The following DIS3L2 variants were observed in gnomAD, a reference collection of about 807,000 sequenced individuals.
DIS3L2 encodes DIS3-like exonuclease 2.
Under a neutral mutation model 97.5 loss-of-function variants are expected in DIS3L2, and 34 were observed. That is an observed-to-expected ratio of 0.35 (90% CI 0.27 to 0.46). DIS3L2 has a LOEUF of 0.46. DIS3L2 is among the 20% of genes least tolerant of loss of function. The pLI, the probability that DIS3L2 is intolerant of heterozygous loss-of-function variation, is 1.00. For missense variants in DIS3L2, 1,038 were observed against 1,146.0 expected (o/e 0.91, Z 1.36); for synonymous variants, 435 against 445.2 (o/e 0.98, Z 0.29).
intron 14 of DIS3L2, among the ~76,000 whole-genome samples, chr2:232,303,711 T>A (rs981575159): frequency 3.3e-5 from 5 of 152,214 alleles, no homozygotes; most frequent in African/African-American, 9.6e-5. Flanking sequence ...TCTGGATTCT[T>A]TTATCAGCCC....
chr2:232,291,652 C>CT (rs1489164804), intron 13 of DIS3L2, among the ~76,000 whole-genome samples: 4 of 152,258 alleles, frequency 2.6e-5, no homozygotes, highest in African/African-American at 9.6e-5. Flanking sequence ...ATAACTCACA[C>CT]TGTGCTCTTA....
At chr2:232,259,526 A>G (rs1693662224) in intron 12 of DIS3L2, among the ~76,000 whole-genome samples, 1 of 152,180 alleles carries the variant, frequency 6.6e-6, no homozygotes, top group African/African-American at 2.4e-5. Flanking sequence ...TGCAGGGTAC[A>G]GGGGTGTCTG....
intron 14 of DIS3L2, among the ~76,000 whole-genome samples, chr2:232,310,890 A>T (rs1050220315): frequency 6.6e-6 from 1 of 152,214 alleles, no homozygotes; most frequent in African/African-American, 2.4e-5. Context: ...AGTCACAGTC[A>T]CCCAGTCTCC....
At chr2:231,999,255 G>T (rs1693811651) in intron 1 of DIS3L2, among the ~76,000 whole-genome samples, 1 of 152,008 alleles carries the variant, frequency 6.6e-6, no homozygotes, top group Non-Finnish European at 1.5e-5. Flanking sequence ...TTCTACCCTG[G>T]TCTCAGAATT....
intron 8 of DIS3L2, among the ~76,000 whole-genome samples, chr2:232,153,998 C>A (rs1006279143): frequency 7.0e-6 from 1 of 143,228 alleles, no homozygotes; most frequent in African/African-American, 2.6e-5. Context: ...ATCGCATCGG[C>A]TCCTGAGGCT....
intron 3 of DIS3L2, chr2:232,023,043 C>T (rs1694563382): frequency 6.6e-6 from 1 of 152,192 alleles, no homozygotes; most frequent in African/African-American, 2.4e-5. Context: ...TACTTCTCAT[C>T]TGATTTATTT....
intron 9 of DIS3L2, among the ~76,000 whole-genome samples, chr2:232,199,057 C>T (rs969945073): frequency 6.6e-6 from 1 of 152,174 alleles, no homozygotes; most frequent in Non-Finnish European, 1.5e-5. Flanking sequence ...TCCCAAACCC[C>T]GAAAGCAGTA....
intron 1 of DIS3L2, among the ~76,000 whole-genome samples, chr2:232,001,628 C>T (rs1693911174): frequency 7.5e-6 from 1 of 132,676 alleles, no homozygotes; most frequent in Non-Finnish European, 1.5e-5. Context: ...AAAATCTTTG[C>T]CCTGATCAAT....
chr2:232,006,212 A>G (rs1323750530), intron 1 of DIS3L2, among the ~76,000 whole-genome samples: 1 of 152,172 alleles, frequency 6.6e-6, no homozygotes, highest in East Asian at 1.9e-4. Context: ...GAAAAAAGAA[A>G]AGGCATTTTA....
intron 10 of DIS3L2, among the ~76,000 whole-genome samples, chr2:232,230,061 G>A (rs190850602): frequency 5.1e-4 from 77 of 152,032 alleles, no homozygotes; most frequent in African/African-American, 1.7e-3. Context: ...CCATCACCAC[G>A]TCATGGCCAT....
intron 1 of DIS3L2, among the ~76,000 whole-genome samples, chr2:231,985,554 TTTCTCTG>T (rs1693386667): frequency 6.6e-6 from 1 of 152,236 alleles, no homozygotes; most frequent in Admixed American, 6.5e-5. Flanking sequence ...GCAGCTTTCA[TTTCTCTG>T]GAATAAATGC....
chr2:232,141,911 T>C (rs534160511), intron 8 of DIS3L2, among the ~76,000 whole-genome samples: 41 of 152,152 alleles, frequency 2.7e-4, no homozygotes, highest in Non-Finnish European at 4.9e-4. Context: ...ATACATTGAA[T>C]TGTAATTAGT....
chr2:232,308,353 C>T (rs1287863389), intron 14 of DIS3L2, among the ~76,000 whole-genome samples: 4 of 152,210 alleles, frequency 2.6e-5, no homozygotes, highest in African/African-American at 9.7e-5. Flanking sequence ...GATCCGTTGT[C>T]CCTGCGGACC....
chr2:232,187,519 T>C (rs768865161), intron 9 of DIS3L2, among the ~76,000 whole-genome samples: 10 of 152,126 alleles, frequency 6.6e-5, no homozygotes, highest in Non-Finnish European at 8.8e-5. Context: ...CTCGGCTCAC[T>C]GCAACCTCCG....
chr2:232,329,785 T>TGCCGGGGGGCGCCC, intron 14 of DIS3L2, 28 bp from the exon 15 acceptor site: 3 of 967,144 alleles, frequency 3.1e-6, no homozygotes, highest in African/African-American at 1.7e-5. Flanking sequence ...ACCCCAGCGG[T>TGCCGGGGGGCGCCC]CCCTCCCATC....
intron 6 of DIS3L2, among the ~76,000 whole-genome samples, chr2:232,098,120 A>C (rs1351507352): frequency 6.6e-6 from 1 of 152,222 alleles, no homozygotes; most frequent in Non-Finnish European, 1.5e-5. Context: ...ATAGATGGTC[A>C]GGACCCACAG....
chr2:232,134,546 C>T (rs1698305728), intron 7 of DIS3L2, among the ~76,000 whole-genome samples: 1 of 152,076 alleles, frequency 6.6e-6, no homozygotes, highest in Non-Finnish European at 1.5e-5. Context: ...GGTTCAAGGC[C>T]GGATGCAGTG....
At chr2:232,104,026 T>A (rs1214036040) in intron 6 of DIS3L2, among the ~76,000 whole-genome samples, 1 of 152,120 alleles carries the variant, frequency 6.6e-6, no homozygotes, top group Non-Finnish European at 1.5e-5. Context: ...CACTAGCTAG[T>A]GACTTAATCT....
chr2:232,094,465 C>G (rs937055558), intron 6 of DIS3L2, among the ~76,000 whole-genome samples: 6 of 151,974 alleles, frequency 3.9e-5, no homozygotes, highest in Admixed American at 3.3e-4. Flanking sequence ...TGCCTGTAAT[C>G]CCAGCACTTT....
Sources: allele counts gnomAD v4.1 joint callset (sites outside exome capture counted in the v4.1 genomes callset), GRCh38; gene constraint gnomAD v4.1.1; transcripts MANE v1.5; gene names NCBI Gene and HGNC (gene_info 2026-07-23, HGNC 2026-07-21).